MARCHF1: variants seen among roughly 807,000 people sequenced by gnomAD.
MARCHF1 encodes the protein membrane associated ring-CH-type finger 1.
MARCHF1 carries 40 observed loss-of-function variants against 54.2 expected under a neutral mutation model. The observed-to-expected ratio is 0.74, with a 90% CI of 0.57 to 0.96. The LOEUF (loss-of-function observed/expected upper bound fraction) is 0.96, where lower values mean the gene tolerates loss of function less well. Among genes scored for constraint, MARCHF1 ranks in the 40% least tolerant of loss-of-function variants. MARCHF1 has a pLI of 0.00. For synonymous variants in MARCHF1, 236 were observed against 236.3 expected (o/e 1.00, Z 0.01); for missense variants, 586 against 656.5 (o/e 0.89, Z 1.17).
intron 1 of MARCHF1, among the ~76,000 whole-genome samples, chr4:164,149,403 A>G (rs1408849391): frequency 6.6e-6 from 1 of 152,172 alleles, no homozygotes; most frequent in African/African-American, 2.4e-5. Flanking sequence ...CACTTCAGAA[A>G]TTATCAGAAC....
At chr4:164,238,137 G>A (rs955641508) in intron 1 of MARCHF1, among the ~76,000 whole-genome samples, 15 of 152,034 alleles carry the variant, frequency 9.9e-5, no homozygotes, top group African/African-American at 3.6e-4. Flanking sequence ...GTAAACACTG[G>A]TAATTTCCCA....
At chr4:163,739,473 G>T (rs1031805903) in intron 4 of MARCHF1, among the ~76,000 whole-genome samples, 2 of 152,204 alleles carry the variant, frequency 1.3e-5, no homozygotes, top group African/African-American at 4.8e-5. Flanking sequence ...TGGCAAAATT[G>T]TATGTGTGGT....
intron 4 of MARCHF1, among the ~76,000 whole-genome samples, chr4:163,815,042 GGTTT>G (rs1488406836): frequency 3.3e-5 from 5 of 151,904 alleles, no homozygotes; most frequent in African/African-American, 7.3e-5. Flanking sequence ...AAATATACCT[GGTTT>G]GTTTATCTAG....
chr4:164,233,672 C>T (rs542404007), intron 1 of MARCHF1, among the ~76,000 whole-genome samples: 1 of 152,090 alleles, frequency 6.6e-6, no homozygotes, highest in South Asian at 2.1e-4. Flanking sequence ...AGTGTAGGTC[C>T]TATCCTCCAA....
chr4:164,342,169 G>A (rs897074751), intron 1 of MARCHF1, among the ~76,000 whole-genome samples: 23 of 152,048 alleles, frequency 1.5e-4, no homozygotes, highest in Admixed American at 1.2e-3. Flanking sequence ...TTTTCCCAAA[G>A]AAGACATATG....
At chr4:164,094,603 G>A (rs1181369620) in intron 2 of MARCHF1, among the ~76,000 whole-genome samples, 1 of 152,096 alleles carries the variant, frequency 6.6e-6, no homozygotes, top group East Asian at 1.9e-4. Context: ...TCCAAAGACT[G>A]AGAGTTATCT....
chr4:163,623,329 A>G (rs1005090844), intron 5 of MARCHF1, among the ~76,000 whole-genome samples: 1 of 152,184 alleles, frequency 6.6e-6, no homozygotes, highest in African/African-American at 2.4e-5. Flanking sequence ...AGCTACAGAA[A>G]CAGATTCAGG....
intron 4 of MARCHF1, among the ~76,000 whole-genome samples, chr4:163,793,953 C>G (rs1022835965): frequency 2.6e-5 from 4 of 152,130 alleles, no homozygotes; most frequent in Non-Finnish European, 5.9e-5. Context: ...AAAGCCCTTC[C>G]TTCTTTAACT....
intron 1 of MARCHF1, among the ~76,000 whole-genome samples, chr4:164,342,040 T>A (rs1422818826): frequency 6.6e-6 from 1 of 152,168 alleles, no homozygotes; most frequent in African/African-American, 2.4e-5. Flanking sequence ...TTGAAAATGT[T>A]TGCAAACCCC....
At chr4:164,287,300 G>C (rs892052180) in intron 1 of MARCHF1, among the ~76,000 whole-genome samples, 1 of 152,028 alleles carries the variant, frequency 6.6e-6, no homozygotes, top group Non-Finnish European at 1.5e-5. Context: ...CTTAGAGAAG[G>C]TGAACTTGTC....
At chr4:164,219,682 C>T (rs556402475) in intron 1 of MARCHF1, among the ~76,000 whole-genome samples, 3 of 151,642 alleles carry the variant, frequency 2.0e-5, no homozygotes, top group East Asian at 1.9e-4. Flanking sequence ...TGGAAGGGAG[C>T]GATTTAAAAA....
At chr4:163,609,898 T>C (rs1198357859) in intron 7 of MARCHF1, among the ~76,000 whole-genome samples, 1 of 151,900 alleles carries the variant, frequency 6.6e-6, no homozygotes, top group Non-Finnish European at 1.5e-5. Context: ...CATAAACAAC[T>C]CTGAATATGT....
At position 164,242,026 on chromosome 4, in the gene MARCHF1, T is replaced by A. The variant is rs537432688; in HGVS notation, c.-322-130364A>T. 8.6e-3 allele frequency among the ~76,000 whole-genome samples: 1,311 copies of A among 152,172 alleles called. 9 individuals carry two copies. Among genetic ancestry groups the A allele is most frequent in the Middle Eastern group, 0.037 (11 of 294 alleles). ...CTAGCACGGCAGTCTGAGATCAAACTGCAAGGCGGCAGCGAGGCAGGGGGA... is the reference window on the plus strand; with the variant it reads ...CTAGCACGGCAGTCTGAGATCAAACAGCAAGGCGGCAGCGAGGCAGGGGGA... On this transcript the variant is annotated intron_variant, in intron 1 of 9. Coordinates refer to ENST00000514618, the MANE Select transcript of MARCHF1 (RefSeq NM_001394959.1).
intron 2 of MARCHF1, among the ~76,000 whole-genome samples, chr4:164,052,261 GCCTGTAAT>G (rs4056076): frequency 0.78 from 117,564 of 151,088 alleles, 46,265 homozygotes; most frequent in Non-Finnish European, 0.85. Flanking sequence ...AGTGGCTCAC[GCCTGTAAT>G]CCTGTAATCC....
intron 2 of MARCHF1, among the ~76,000 whole-genome samples, chr4:164,082,373 GC>G (rs1279750482): frequency 2.6e-5 from 4 of 152,014 alleles, no homozygotes; most frequent in African/African-American, 9.7e-5. Flanking sequence ...TATAACTTTT[GC>G]CAAAAAATTT....
chr4:163,789,353 G>T (rs957543687), intron 4 of MARCHF1, among the ~76,000 whole-genome samples: 2 of 151,926 alleles, frequency 1.3e-5, no homozygotes, highest in African/African-American at 4.8e-5. Flanking sequence ...TTAGGAGGGT[G>T]GAGGGTTGGC....
At chr4:164,337,186 G>T (rs752384125) in intron 1 of MARCHF1, among the ~76,000 whole-genome samples, 3 of 152,152 alleles carry the variant, frequency 2.0e-5, no homozygotes, top group Non-Finnish European at 4.4e-5. Context: ...GGAGTTTTCT[G>T]CCATCATCAC....
At chr4:163,975,180 T>TCA (rs1752624762) in intron 3 of MARCHF1, among the ~76,000 whole-genome samples, 3 of 146,090 alleles carry the variant, frequency 2.1e-5, no homozygotes, top group Admixed American at 6.8e-5. Context: ...TCTCTCTCTC[T>TCA]CTCTCTCTCT....
intron 2 of MARCHF1, among the ~76,000 whole-genome samples, chr4:164,037,726 C>T (rs1754037596): frequency 6.6e-6 from 1 of 152,132 alleles, no homozygotes; most frequent in African/African-American, 2.4e-5. Flanking sequence ...CTGACAAACA[C>T]TACCTACAGC....
Sources: gnomAD v4.1 joint callset for allele counts (sites outside exome capture counted in the v4.1 genomes callset) on GRCh38, gnomAD v4.1.1 for gene constraint, MANE v1.5 for transcripts, NCBI Gene and HGNC (gene_info 2026-07-23, HGNC 2026-07-21) for gene names.